The following STATH variants were observed in gnomAD, a reference collection of about 807,000 sequenced individuals.
STATH encodes statherin.
In STATH, 11 loss-of-function variants were observed where a neutral mutation model predicts 13.3. The ratio of observed to expected loss-of-function variants is 0.83; its 90% CI spans 0.52 to 1.37. The LOEUF (loss-of-function observed/expected upper bound fraction) is 1.37. Among genes scored for constraint, STATH ranks in the 40% most tolerant of loss-of-function variants. STATH has a pLI of 0.00. For synonymous variants in STATH, 25 were observed against 23.6 expected (o/e 1.06, Z -0.17); for missense variants, 78 against 73.3 (o/e 1.06, Z -0.24).
In STATH at chr4:69,998,403, A is replaced by C. The variant is rs778978160; in HGVS notation, c.-15-20A>C. ...AATGCAAGAAAAAATGTGATACTGA[A>C]TTTCCACATATGTTTTCAGAGAACC... On this transcript the variant is annotated intron_variant, in intron 1 of 5. Coordinates refer to ENST00000246895, the MANE Select transcript of STATH (RefSeq NM_003154.3). The C allele has an allele frequency of 6.3e-7, 1 of 1,599,544 alleles. No homozygotes were observed. Among genetic ancestry groups the C allele is most frequent in the South Asian group, 1.1e-5 (1 of 90,002 alleles).
At chr4:70,000,122 C>A in intron 4 of STATH, 1 of 306,682 alleles carries the variant, frequency 3.3e-6, no homozygotes, top group Non-Finnish European at 6.1e-6. Context: ...ATATATGCCT[C>A]ATGGAGCATA....
At chr4:70,001,089 A>T in intron 5 of STATH, 107 bp downstream of exon 5, 1 of 715,144 alleles carries the variant, frequency 1.4e-6, no homozygotes, top group Non-Finnish European at 2.5e-6. Flanking sequence ...CCAGTATAAG[A>T]AAGCAGCCAG....
intron 1 of STATH, 85 bp from the exon 2 acceptor site, chr4:69,998,338 G>A: frequency 2.1e-6 from 2 of 942,936 alleles, no homozygotes; most frequent in South Asian, 3.2e-5. Flanking sequence ...GTCTCCCAGT[G>A]CTTTGGAGCG....
chr4:69,999,615 T>A (rs1412703905), intron 2 of STATH, 52 bp from the exon 3 acceptor site: 1 of 1,576,924 alleles, frequency 6.3e-7, no homozygotes, highest in East Asian at 2.3e-5. Flanking sequence ...GTACTCAATC[T>A]GGAATTATAA....
Position 69,999,706 on chromosome 4 carries a change from C to A in STATH, c.72+19C>A, listed in dbSNP as rs566115243. On this transcript the variant is annotated intron_variant, in intron 3 of 5. Coordinates refer to ENST00000246895, the MANE Select transcript of STATH (RefSeq NM_003154.3). The stretch of plus-strand genomic sequence containing the variant: ...TGAAGAGGTGAGTCATTTTCATTCA[C>A]TGGAAAACTTGTTTTCAGTTTTGTC... 6.2e-7 allele frequency: 1 copy of A among 1,611,382 alleles called. No homozygotes were observed. Among genetic ancestry groups the A allele is most frequent in the Admixed American group, 1.7e-5 (1 of 59,780 alleles).
Position 70,002,568 on chromosome 4 carries a change from T to C in STATH, c.*413T>C, listed in dbSNP as rs555747692. ...AAGCCCATAATGTCAGAGGTCCTTA[T>C]TTATAATTTAGTCTGTCATATTTTA... On this transcript the variant is annotated 3_prime_UTR_variant, in exon 6 of 6. Coordinates refer to ENST00000246895, the MANE Select transcript of STATH (RefSeq NM_003154.3). The C allele has an allele frequency of 1.1e-4, 16 of 151,718 alleles. No individual in the cohort carries two copies. The highest frequency in any genetic ancestry group is 1.8e-4 in the Non-Finnish European group (12 of 67,744). 9.4% of individuals were successfully genotyped at this position (151,718 alleles called of 1,614,324 possible). A position where few individuals can be genotyped will look rare whatever the true frequency, so the allele number is the denominator to read the frequency against.
intron 1 of STATH, among the ~76,000 whole-genome samples, chr4:69,997,492 T>G (rs1189014173): frequency 2.0e-5 from 3 of 152,182 alleles, no homozygotes; most frequent in Admixed American, 6.6e-5. Flanking sequence ...GGTAAAAATG[T>G]CATTTATTTG....
chr4:70,000,806 C>T (rs1489881035), intron 4 of STATH, 57 bp from the exon 5 acceptor site: 17 of 1,298,958 alleles, frequency 1.3e-5, no homozygotes, highest in Admixed American at 1.7e-5. Context: ...AATAAAAACG[C>T]TTGCACTGTC....
intron 2 of STATH, 44 bp from the exon 3 acceptor site, chr4:69,999,623 T>C (rs750334946): frequency 2.5e-6 from 4 of 1,589,882 alleles, no homozygotes; most frequent in East Asian, 2.2e-5. Flanking sequence ...TCTGGAATTA[T>C]AACATTAAGA....
Position 70,000,870 on chromosome 4 carries a change from A to G in STATH, c.110A>G (p.Tyr37Cys), listed in dbSNP as rs774330559. The G allele has an allele frequency of 6.2e-7, 1 of 1,611,804 alleles. No individual in the cohort carries two copies. The highest frequency in any genetic ancestry group is 8.5e-7 in the Non-Finnish European group (1 of 1,178,298). ...LRRIGRFGYG[Y>C]GPYQPVPEQP... ...CTCCTTGTGTGTATACAGTATGGGT[A>G]TGGCCCTTATCAGCCAGTTCCAGAA... The change falls in exon 5 of 6, where the codon TAT (tyrosine) becomes TGT (cysteine). Residue 37 changes from tyrosine (Y) to cysteine (C), a missense_variant. Tyr to Cys is a radical substitution (Grantham distance 194). Transcript: ENST00000246895.
intron 1 of STATH, among the ~76,000 whole-genome samples, chr4:69,996,406 G>A (rs1452385311): frequency 6.6e-6 from 1 of 151,968 alleles, no homozygotes; most frequent in Non-Finnish European, 1.5e-5. Flanking sequence ...TTTTGCAAAT[G>A]TATATATTGT....
rs534077140 is a variant in STATH, at chr4:69,998,111, T to C, written c.-15-312T>C. On this transcript the variant is annotated intron_variant, in intron 1 of 5. Coordinates refer to ENST00000246895, the MANE Select transcript of STATH (RefSeq NM_003154.3). ...TTTTCTTGCAGTCACCCAACACCTC[T>C]TTACTCATCCTGCATAATCCAACTC... is the stretch of plus-strand genomic sequence containing the variant. 4.6e-5 allele frequency among the ~76,000 whole-genome samples: 7 copies of C among 152,200 alleles called. No individual in the cohort carries two copies. The South Asian group carries it at 1.5e-3, about 32-fold the overall frequency.
chr4:69,998,521 C>A (rs751440189), intron 2 of STATH, 33 bp downstream of exon 2: 5 of 1,575,120 alleles, frequency 3.2e-6, no homozygotes, highest in Non-Finnish European at 4.4e-6. Flanking sequence ...AGAATATGTT[C>A]TCAGTACCTA....
chr4:69,997,415 G>A (rs1724539218), intron 1 of STATH, among the ~76,000 whole-genome samples: 1 of 151,848 alleles, frequency 6.6e-6, no homozygotes, highest in South Asian at 2.1e-4. Context: ...CAAGTTATTG[G>A]TAAAAGAGAT....
rs147868504 is a variant in STATH, at chr4:70,000,907, C to G, written c.147C>G (p.Tyr49Ter). Residue 49 changes from tyrosine (Y) to a stop codon, truncating the protein, a stop_gained, in exon 5 of 6, where the codon TAC (tyrosine) becomes TAG (stop). Coordinates refer to ENST00000246895, the MANE Select transcript of STATH (RefSeq NM_003154.3). LOFTEE classifies it high-confidence loss of function. ...PYQPVPEQPL[Y>*]PQPYQPQYQQ... Reference sequence around the variant, plus strand: ...AGCCAGTTCCAGAACAACCACTATACCCACAACCATACCAACCACAATACC... The same window carrying G: ...AGCCAGTTCCAGAACAACCACTATAGCCACAACCATACCAACCACAATACC... The G allele has an allele frequency of 1.2e-6, 2 of 1,611,674 alleles. No individual in the cohort carries two copies. The highest frequency in any genetic ancestry group is 1.7e-5 in the Admixed American group (1 of 59,858).
Position 70,001,361 on chromosome 4 carries a change from C to T in STATH, c.*33+379C>T, listed in dbSNP as rs527625636. ...TTTTGAAAGACATATCACATAAAATCTCTTGATCAGAAAGGTTTGTAGTTA... is the reference window on the plus strand; with the variant it reads ...TTTTGAAAGACATATCACATAAAATTTCTTGATCAGAAAGGTTTGTAGTTA... On this transcript the variant is annotated intron_variant, in intron 5 of 5. Coordinates refer to ENST00000246895, the MANE Select transcript of STATH (RefSeq NM_003154.3). 8.2e-4 allele frequency among the ~76,000 whole-genome samples: 125 copies of T among 151,890 alleles called. 1 individual carries two copies. The highest frequency in any genetic ancestry group is 1.6e-3 in the Non-Finnish European group (109 of 67,780).
rs375160503 is a variant in STATH, at chr4:69,999,824, A to G, written c.102+15A>G. The G allele has an allele frequency of 3.1e-6, 5 of 1,611,420 alleles. No individual in the cohort carries two copies. In the African/African-American group the frequency reaches 6.7e-5, roughly 22 times the overall value. ...GAAGATTCGGTGTAAGTGTTCTCTGATAATGCTGTGTAGTCCAAATAAATT... is the reference window on the plus strand; with the variant it reads ...GAAGATTCGGTGTAAGTGTTCTCTGGTAATGCTGTGTAGTCCAAATAAATT... On this transcript the variant is annotated intron_variant, in intron 4 of 5. Transcript: ENST00000246895.
intron 1 of STATH, among the ~76,000 whole-genome samples, chr4:69,996,800 T>A (rs28564720): frequency 9.4e-4 from 143 of 152,046 alleles, no homozygotes; most frequent in African/African-American, 3.4e-3. Context: ...TTTACAGGTA[T>A]AAAATACACT....
intron 1 of STATH, among the ~76,000 whole-genome samples, chr4:69,997,242 G>T (rs576309024): frequency 1.3e-5 from 2 of 151,884 alleles, no homozygotes; most frequent in African/African-American, 4.8e-5. Context: ...CACCACACCC[G>T]GCCAGAAATT....
Sources: allele counts gnomAD v4.1 joint callset (sites outside exome capture counted in the v4.1 genomes callset), GRCh38; gene constraint gnomAD v4.1.1; transcripts MANE v1.5; gene names NCBI Gene and HGNC (gene_info 2026-07-23, HGNC 2026-07-21).